Variants in C10orf88 observed in about 807,000 individuals in gnomAD.
C10orf88 encodes the protein ATPase PAAT.
Under a neutral mutation model 34.2 loss-of-function variants are expected in C10orf88, and 29 were observed. The observed-to-expected ratio is 0.85, with a 90% confidence interval of 0.63 to 1.16. C10orf88 has a LOEUF of 1.16. C10orf88 is among the 50% of genes most tolerant of loss of function. The pLI, the probability that C10orf88 is intolerant of heterozygous loss-of-function variation, is 0.00. For synonymous variants in C10orf88, 194 were observed against 197.4 expected, an observed-to-expected ratio of 0.98 and a Z score of 0.15; for missense variants, 507 against 533.2, an observed-to-expected ratio of 0.95 and a Z score of 0.48.
At chr10:122,937,112 C>T (rs1057169199) in intron 5 of C10orf88, among the ~76,000 whole-genome samples, 1 of 151,908 alleles carries the variant, frequency 6.6e-6, no homozygotes, top group Non-Finnish European at 1.5e-5. Context: ...CACCTAGAGT[C>T]CTGAATTCTA....
chr10:122,953,122 G>T, intron 1 of C10orf88, 90 bp from the exon 2 acceptor site: 1 of 1,082,766 alleles, frequency 9.2e-7, no homozygotes, highest in Non-Finnish European at 1.4e-6. Flanking sequence ...CTGTCGCCCA[G>T]GCTGGAATGC....
intron 5 of C10orf88, among the ~76,000 whole-genome samples, chr10:122,934,053 C>G (rs1336158390): frequency 2.0e-5 from 3 of 152,110 alleles, no homozygotes; most frequent in African/African-American, 7.2e-5. Context: ...ACACCAAAGA[C>G]AGTTTTTAAG....
intron 1 of C10orf88, 126 bp downstream of exon 1, chr10:122,953,889 C>T (rs1848719956): frequency 2.4e-6 from 2 of 838,850 alleles, no homozygotes. Context: ...CCCTCCCCAA[C>T]TAGAGACCTG....
rs781301980 is a variant in C10orf88, at chr10:122,952,860, C to A, written c.337G>T (p.Gly113Cys). 3 of 1,613,924 alleles carry A rather than the reference C, an allele frequency of 1.9e-6. No homozygotes were observed. In the African/African-American group the frequency reaches 4.0e-5, roughly 22 times the overall value. ...TCCAGGACAGTACAAACATTCTTGC[C>A]CCTACTGGTTCCACAGTACTCCTCT... ...LGEEYCGTSRGKNVCTVLDDS... is the reference protein window; with the variant it reads ...LGEEYCGTSRCKNVCTVLDDS... The change falls in exon 2 of 6, where the codon GGC becomes TGC. Residue 113 changes from glycine to cysteine, a missense_variant. Gly to Cys is a radical substitution (Grantham distance 159). Coordinates refer to ENST00000481909, the MANE Select transcript of C10orf88 (RefSeq NM_024942.4).
chr10:122,953,909 G>T, intron 1 of C10orf88, 106 bp downstream of exon 1: 1 of 1,000,456 alleles, frequency 1.0e-6, no homozygotes, highest in African/African-American at 1.9e-5. Flanking sequence ...GGTACCAACT[G>T]CTCTCCCGGA....
intron 3 of C10orf88, among the ~76,000 whole-genome samples, chr10:122,951,330 T>C (rs1848687722): frequency 1.3e-5 from 2 of 152,210 alleles, no homozygotes; most frequent in Admixed American, 6.5e-5. Context: ...CACTACCATA[T>C]TAACAATACA....
At chr10:122,933,024 CTATAAAGTTTT>C (rs1015628936) in intron 5 of C10orf88, among the ~76,000 whole-genome samples, 4 of 152,158 alleles carry the variant, frequency 2.6e-5, no homozygotes, top group Non-Finnish European at 4.4e-5. Context: ...CCAACCAACT[CTATAAAGTTTT>C]TCTTCCTTCA....
chr10:122,934,269 A>G (rs11248341), intron 5 of C10orf88, among the ~76,000 whole-genome samples: 2,220 of 152,270 alleles, frequency 0.015, 33 homozygotes, highest in East Asian at 0.072. Context: ...AAACACCACC[A>G]TAATCAAAAG....
chr10:122,935,938 T>TG (rs1301624478), intron 5 of C10orf88, among the ~76,000 whole-genome samples: 1 of 151,904 alleles, frequency 6.6e-6, no homozygotes, highest in Admixed American at 6.6e-5. Flanking sequence ...ATTTTAATTT[T>TG]GGGGGGCAAT....
At chr10:122,950,064 T>C (rs1848676883) in intron 3 of C10orf88, among the ~76,000 whole-genome samples, 2 of 152,216 alleles carry the variant, frequency 1.3e-5, no homozygotes, top group Non-Finnish European at 2.9e-5. Context: ...ATTTCATGTA[T>C]GGTACAGACA....
At chr10:122,943,871 A>G (rs1460563397) in intron 4 of C10orf88, among the ~76,000 whole-genome samples, 1 of 152,208 alleles carries the variant, frequency 6.6e-6, no homozygotes, top group African/African-American at 2.4e-5. Flanking sequence ...AAAGTCAGGA[A>G]ACAGCAGGTG....
chr10:122,953,099 A>G, intron 1 of C10orf88, 67 bp from the exon 2 acceptor site: 2 of 1,325,872 alleles, frequency 1.5e-6, no homozygotes, highest in East Asian at 5.0e-5. Context: ...CTTTTTTGAG[A>G]CGGAGTCTGG....
chr10:122,939,240 A>G (rs1284635587), intron 4 of C10orf88, among the ~76,000 whole-genome samples: 2 of 151,900 alleles, frequency 1.3e-5, no homozygotes, highest in East Asian at 1.9e-4. Context: ...CACAGAGCCT[A>G]TATGACAGGG....
At chr10:122,953,165 C>T in intron 1 of C10orf88, 133 bp from the exon 2 acceptor site, 1 of 705,180 alleles carries the variant, frequency 1.4e-6, no homozygotes, top group South Asian at 1.8e-5. Flanking sequence ...GCACGCTCCG[C>T]CTTCCGGGTT....
At chr10:122,950,475 G>C (rs1253739921) in intron 3 of C10orf88, among the ~76,000 whole-genome samples, 2 of 152,182 alleles carry the variant, frequency 1.3e-5, no homozygotes, top group Admixed American at 6.5e-5. Context: ...CAAGGACATA[G>C]GTCAATACAG....
At position 122,954,164 on chromosome 10, in the gene C10orf88, G is replaced by C. The variant is rs776852807; in HGVS notation, c.15C>G (p.Thr5=). Residue 5 remains threonine (T), a synonymous_variant, in exon 1 of 6, where the codon ACC becomes ACG. Coordinates refer to ENST00000481909, the MANE Select transcript of C10orf88 (RefSeq NM_024942.4). ...GGCGGCGGGTGAGGCCCCCGTCCTC[G>C]GTCCGCGTCTCCATTCCGCCGCCTT... METR[T]EDGGLTRRPT... 2 of 1,572,636 alleles carry C rather than the reference G, an allele frequency of 1.3e-6. No individual in the cohort carries two copies. Among genetic ancestry groups the C allele is most frequent in the Non-Finnish European group, 1.7e-6 (2 of 1,165,262 alleles).
intron 4 of C10orf88, among the ~76,000 whole-genome samples, chr10:122,946,930 G>A (rs1848646120): frequency 6.6e-6 from 1 of 152,068 alleles, no homozygotes. Flanking sequence ...AAGGAAACAT[G>A]GCAGGAGATG....
chr10:122,952,981 G>A lies in C10orf88; in HGVS notation c.216C>T (p.Pro72=). 1 of 1,614,172 alleles carries A rather than the reference G, an allele frequency of 6.2e-7. No individual in the cohort carries two copies. Among genetic ancestry groups the A allele is most frequent in the Non-Finnish European group, 8.5e-7 (1 of 1,180,026 alleles). The stretch of plus-strand genomic sequence containing the variant: ...GGCCACACCTCAGGTAAAGGAAGCA[G>A]GGGTTTTCATCTTTGTTGTTGTGGT... ...KRNHNNKDEN[P]CFLYLRCGPD... is the part of the protein sequence containing the mutation. Residue 72 remains proline (P), a synonymous_variant, in exon 2 of 6, where the codon CCC becomes CCT. Coordinates refer to ENST00000481909, the MANE Select transcript of C10orf88 (RefSeq NM_024942.4).
Position 122,931,255 on chromosome 10 carries a change from T to A in C10orf88, c.*1172A>T, listed in dbSNP as rs181170643. 6.6e-6 allele frequency: 1 copy of A among 152,206 alleles called. No individual in the cohort carries two copies. Among genetic ancestry groups the A allele is most frequent in the African/African-American group, 2.4e-5 (1 of 41,542 alleles). 9.4% of individuals were successfully genotyped at this position (152,206 alleles called of 1,614,324 possible). On this transcript the variant is annotated 3_prime_UTR_variant, in exon 6 of 6. Coordinates refer to ENST00000481909, the MANE Select transcript of C10orf88 (RefSeq NM_024942.4). ...AAAGTCGTTTGGTCAGCTATCGTGG[T>A]TGTAACCAGTCTCCTCTGGACTGGT...
Sources: allele counts gnomAD v4.1 joint callset (sites outside exome capture counted in the v4.1 genomes callset), GRCh38; gene constraint gnomAD v4.1.1; transcripts MANE v1.5; gene names NCBI Gene and HGNC (gene_info 2026-07-23, HGNC 2026-07-21).